Variants in WSB2 observed in about 807,000 individuals in gnomAD.
WSB2 encodes WD repeat and SOCS box-containing protein 2.
A neutral mutation model predicts 48.8 loss-of-function variants in WSB2; 12 were observed. The observed-to-expected ratio is 0.25, with a 90% CI of 0.16 to 0.40. WSB2 has a LOEUF of 0.40. WSB2 is among the 10% of genes least tolerant of loss of function. The pLI, the probability that WSB2 is intolerant of heterozygous loss-of-function variation, is 1.00. For missense variants in WSB2, 317 were observed against 506.2 expected (o/e 0.63, Z 3.59); for synonymous variants, 191 against 203.1 (o/e 0.94, Z 0.51).
intron 2 of WSB2, 67 bp downstream of exon 2, chr12:118,052,243 G>C: frequency 6.4e-7 from 1 of 1,568,900 alleles, no homozygotes; most frequent in Non-Finnish European, 8.7e-7. Context: ...CTTGGGCACA[G>C]AGATGGCAAA....
intron 5 of WSB2, among the ~76,000 whole-genome samples, chr12:118,037,463 T>G (rs1462798747): frequency 1.3e-5 from 2 of 152,012 alleles, no homozygotes; most frequent in Non-Finnish European, 2.9e-5. Context: ...GGTCAGGAGT[T>G]CAAGACCAGC....
chr12:118,042,843 T>C lies in WSB2; in HGVS notation c.557A>G (p.His186Arg). 3.7e-6 allele frequency: 6 copies of C among 1,614,142 alleles called. No individual in the cohort carries two copies. The highest frequency in any genetic ancestry group is 5.1e-6 in the Non-Finnish European group (6 of 1,180,002). The change falls in exon 4 of 9, where the codon CAC becomes CGC. Residue 186 changes from histidine (H) to arginine (R), a missense_variant and splice_region_variant. His to Arg is a conservative substitution (Grantham distance 29, BLOSUM62 0). Coordinates refer to ENST00000315436, the MANE Select transcript of WSB2 (RefSeq NM_018639.5). ...KTLRIWDLNK[H>R]GKQIQVLSGH... ...AGTAGTTCCTTCACTTCCCATACCG[T>C]GTTTATTCAGGTCCCAGATGCGAAG...
chr12:118,043,416 T>C, intron 2 of WSB2, 39 bp from the exon 3 acceptor site: 1 of 1,518,982 alleles, frequency 6.6e-7, no homozygotes. Flanking sequence ...TCTGCAATTG[T>C]TACCAGTCTA....
chr12:118,057,776 G>GC (rs1555268954), intron 1 of WSB2, among the ~76,000 whole-genome samples: 2 of 141,470 alleles, frequency 1.4e-5, no homozygotes, highest in Non-Finnish European at 3.1e-5. Flanking sequence ...ATATATTTGG[G>GC]TTTTTTTTTT....
upstream of WSB2, chr12:118,061,182 C>T: frequency 2.0e-6 from 2 of 983,380 alleles, no homozygotes; most frequent in South Asian, 4.7e-5. Context: ...AGCTGCTTCC[C>T]GTCACATGGC....
rs535822309 is a variant in WSB2 at position 118,051,385 on chromosome 12, C to T, written c.182+925G>A. Among the ~76,000 whole-genome samples the T allele has an allele frequency of 3.9e-5, 6 of 152,302 alleles. No homozygotes were observed. The South Asian group carries it at 1.2e-3, about 32-fold the overall frequency. ...AACATGAAAACAACCCAATGTCCAT[C>T]AACTGATAAATGTACGAACAAAATT... On this transcript the variant is annotated intron_variant, in intron 2 of 8. Coordinates refer to ENST00000315436, the MANE Select transcript of WSB2 (RefSeq NM_018639.5).
chr12:118,057,614 A>G (rs1199989442), intron 1 of WSB2, among the ~76,000 whole-genome samples: 2 of 152,082 alleles, frequency 1.3e-5, no homozygotes, highest in African/African-American at 2.4e-5. Flanking sequence ...TGTATATATT[A>G]TGGAATATAA....
At chr12:118,042,783 T>C in intron 4 of WSB2, 58 bp downstream of exon 4, 1 of 1,576,878 alleles carries the variant, frequency 6.3e-7, no homozygotes, top group East Asian at 2.3e-5. Context: ...ACTGGTAAAG[T>C]GGAGAAAGCA....
chr12:118,052,440 G>A lies in WSB2; in HGVS notation c.52C>T (p.Pro18Ser). 1.2e-6 allele frequency: 2 copies of A among 1,614,134 alleles called. No homozygotes were observed. Among genetic ancestry groups the A allele is most frequent in the Non-Finnish European group, 1.7e-6 (2 of 1,180,030 alleles). The change falls in exon 2 of 9, where the codon CCC becomes TCC. Residue 18 changes from proline to serine, a missense_variant. Physicochemically the swap from Pro to Ser is moderately conservative, Grantham distance 74. Coordinates refer to ENST00000315436, the MANE Select transcript of WSB2 (RefSeq NM_018639.5). ...CTGGACTTCCAATCAAACTGGTGGG[G>A]GCGCCCGGGCTTGAGTTCGGCCAGC... ...LLLAELKPGR[P>S]HQFDWKSSCE... is the part of the protein sequence containing the mutation.
At chr12:118,047,297 A>T (rs974315106) in intron 2 of WSB2, among the ~76,000 whole-genome samples, 19 of 152,156 alleles carry the variant, frequency 1.2e-4, no homozygotes, top group African/African-American at 4.3e-4. Flanking sequence ...AAATACTTTG[A>T]GTTTGCTAAT....
intron 1 of WSB2, among the ~76,000 whole-genome samples, chr12:118,055,100 A>G (rs1339193696): frequency 1.3e-5 from 2 of 152,046 alleles, no homozygotes; most frequent in African/African-American, 4.8e-5. Context: ...ACCCAGGTAA[A>G]TCCTCCTAGA....
intron 2 of WSB2, among the ~76,000 whole-genome samples, chr12:118,046,076 T>G (rs1005621187): frequency 6.6e-6 from 1 of 152,138 alleles, no homozygotes; most frequent in Non-Finnish European, 1.5e-5. Context: ...AGGCATTTGG[T>G]TAGGTATTGT....
intron 1 of WSB2, among the ~76,000 whole-genome samples, chr12:118,057,316 C>T (rs1593475235): frequency 6.6e-6 from 1 of 152,000 alleles, no homozygotes; most frequent in East Asian, 1.9e-4. Flanking sequence ...ACTCTGCTGC[C>T]CAGGCTGGAG....
At chr12:118,043,031 A>C in intron 3 of WSB2, 59 bp from the exon 4 acceptor site, 1 of 1,613,700 alleles carries the variant, frequency 6.2e-7, no homozygotes, top group South Asian at 1.1e-5. Flanking sequence ...TGTGCCTGCC[A>C]CGGCCACACC....
At chr12:118,048,406 G>A (rs558756069) in intron 2 of WSB2, among the ~76,000 whole-genome samples, 1 of 152,048 alleles carries the variant, frequency 6.6e-6, no homozygotes, top group Admixed American at 6.5e-5. Flanking sequence ...TGGGCAACAT[G>A]GTGAAAACTT....
chr12:118,034,055 A>T lies in WSB2; in HGVS notation c.*141T>A. On this transcript the variant is annotated 3_prime_UTR_variant, in exon 9 of 9. Coordinates refer to ENST00000315436, the MANE Select transcript of WSB2 (RefSeq NM_018639.5). ...AAAGATCCATGACTAGTACACTGGA[A>T]TCTGGTTTTGCTACATTCTATTCAC... The T allele has an allele frequency of 8.7e-7, 1 of 1,151,972 alleles. No homozygotes were observed. The highest frequency in any genetic ancestry group is 1.3e-6 in the Non-Finnish European group (1 of 795,022). 71.4% of individuals were successfully genotyped at this position (1,151,972 alleles called of 1,614,324 possible).
intron 2 of WSB2, among the ~76,000 whole-genome samples, chr12:118,045,880 A>G (rs946698267): frequency 3.3e-5 from 5 of 151,990 alleles, no homozygotes; most frequent in African/African-American, 7.3e-5. Context: ...CCCGGTAACC[A>G]CCATTCTACT....
At chr12:118,043,709 A>T (rs933167538) in intron 2 of WSB2, among the ~76,000 whole-genome samples, 1 of 152,162 alleles carries the variant, frequency 6.6e-6, no homozygotes, top group Non-Finnish European at 1.5e-5. Flanking sequence ...GCCCTCCCAA[A>T]GTGCTGGGAT....
chr12:118,036,487 G>A lies in WSB2; in HGVS notation c.684C>T (p.Ser228=). 1 of 1,613,842 alleles carries A rather than the reference G, an allele frequency of 6.2e-7. No homozygotes were observed. Among genetic ancestry groups the A allele is most frequent in the East Asian group, 2.2e-5 (1 of 44,870 alleles). ...EKSVFLWSMR[S]YTLIRKLEGH... is the part of the protein sequence containing the mutation. ...CCTCTAGCTTCCGAATTAACGTGTAGGACCTCATGCTCCATAGAAAGACCT... is the reference window on the plus strand; with the variant it reads ...CCTCTAGCTTCCGAATTAACGTGTAAGACCTCATGCTCCATAGAAAGACCT... The change falls in exon 6 of 9, where the codon TCC becomes TCT. Residue 228 remains serine, a synonymous_variant. Transcript: ENST00000315436.
Sources: allele counts gnomAD v4.1 joint callset (sites outside exome capture counted in the v4.1 genomes callset), GRCh38; gene constraint gnomAD v4.1.1; transcripts MANE v1.5; gene names NCBI Gene and HGNC (gene_info 2026-07-23, HGNC 2026-07-21).